XKR9: variants seen among roughly 807,000 people sequenced by gnomAD.
The protein encoded by XKR9 is XK-related protein 9.
Under a neutral mutation model 32.0 loss-of-function variants are expected in XKR9, and 32 were observed. That is an observed-to-expected ratio of 1.00 (90% CI 0.76 to 1.34). The LOEUF (loss-of-function observed/expected upper bound fraction) is 1.34, where lower values mean the gene tolerates loss of function less well. Ranked by LOEUF, XKR9 falls within the 40% of genes most tolerant of loss-of-function variation. The pLI, the probability that XKR9 is intolerant of heterozygous loss-of-function variation, is 0.00. For synonymous variants in XKR9, 168 were observed against 143.4 expected (o/e 1.17, Z -1.22); for missense variants, 546 against 429.7 (o/e 1.27, Z -2.39).
At chr8:70,700,844 T>A (rs6985299) in intron 3 of XKR9, among the ~76,000 whole-genome samples, 5 of 151,726 alleles carry the variant, frequency 3.3e-5, no homozygotes, top group Non-Finnish European at 5.9e-5. Flanking sequence ...CCACGCAGTT[T>A]GAGCTTCCCA....
chr8:70,873,552 G>A, the XKR9 span, among the ~76,000 whole-genome samples: 1 of 152,192 alleles, frequency 6.6e-6, no homozygotes, highest in Non-Finnish European at 1.5e-5. Flanking sequence ...ATAACTGTAG[G>A]TGTGGTGTAA....
At chr8:70,968,723 C>T in the XKR9 span, among the ~76,000 whole-genome samples, 2 of 152,030 alleles carry the variant, frequency 1.3e-5, no homozygotes, top group African/African-American at 4.8e-5. Flanking sequence ...TGCTGGGGGT[C>T]CACTCCAGAC....
the XKR9 span, among the ~76,000 whole-genome samples, chr8:70,861,595 G>T: frequency 6.6e-6 from 1 of 152,104 alleles, no homozygotes; most frequent in Non-Finnish European, 1.5e-5. Context: ...GTTCAGGGCT[G>T]CAGTGAGCTA....
the XKR9 span, among the ~76,000 whole-genome samples, chr8:70,882,652 A>G: frequency 1.1e-4 from 16 of 152,000 alleles, no homozygotes; most frequent in African/African-American, 3.9e-4. Context: ...AAGGTACAGA[A>G]TTTCATATCT....
downstream of XKR9, among the ~76,000 whole-genome samples, chr8:70,740,355 A>T (rs1269106824): frequency 2.6e-5 from 4 of 151,926 alleles, no homozygotes; most frequent in African/African-American, 7.2e-5. Flanking sequence ...TGGTTATTCT[A>T]GTTATACATT....
chr8:70,762,448 C>G (rs1443104617), intron 2 of XKR9, among the ~76,000 whole-genome samples: 2 of 152,092 alleles, frequency 1.3e-5, no homozygotes, highest in African/African-American at 4.8e-5. Flanking sequence ...GTCCCATAAG[C>G]CACAGCATTA....
At chr8:70,845,495 G>C in the XKR9 span, among the ~76,000 whole-genome samples, 2 of 152,098 alleles carry the variant, frequency 1.3e-5, no homozygotes, top group Admixed American at 6.6e-5. Flanking sequence ...TCTTAAGAAA[G>C]CTCAGTGAGA....
intron 4 of XKR9, among the ~76,000 whole-genome samples, chr8:70,708,084 C>T (rs1296168421): frequency 6.6e-6 from 1 of 151,848 alleles, no homozygotes; most frequent in Admixed American, 6.6e-5. Context: ...GAACATGGTC[C>T]CTTCTAATAT....
chr8:70,914,734 A>G, the XKR9 span, among the ~76,000 whole-genome samples: 3 of 152,152 alleles, frequency 2.0e-5, no homozygotes, highest in African/African-American at 7.2e-5. Flanking sequence ...AATTAAGCCC[A>G]ATTTATAAAT....
intron 4 of XKR9, 94 bp downstream of exon 4, chr8:70,707,247 C>T (rs1805754963): frequency 1.1e-6 from 1 of 887,138 alleles, no homozygotes; most frequent in Non-Finnish European, 1.7e-6. Flanking sequence ...ATTTTTAATA[C>T]TTTAAAAATT....
At chr8:70,959,388 T>G in the XKR9 span, among the ~76,000 whole-genome samples, 1 of 152,234 alleles carries the variant, frequency 6.6e-6, no homozygotes, top group East Asian at 1.9e-4. Flanking sequence ...ATAGATCTAA[T>G]TAATTCTCTT....
the XKR9 span, among the ~76,000 whole-genome samples, chr8:71,003,669 A>G: frequency 6.6e-6 from 1 of 152,314 alleles, no homozygotes; most frequent in Admixed American, 6.5e-5. Flanking sequence ...CACTTGATAA[A>G]TATTGGTTAA....
At chr8:70,906,925 T>C in the XKR9 span, among the ~76,000 whole-genome samples, 11 of 152,154 alleles carry the variant, frequency 7.2e-5, no homozygotes, top group African/African-American at 2.7e-4. Flanking sequence ...GGCACACAGG[T>C]CTATGAGTTT....
At chr8:70,808,745 G>C in the XKR9 span, among the ~76,000 whole-genome samples, 3 of 152,238 alleles carry the variant, frequency 2.0e-5, no homozygotes, top group African/African-American at 7.2e-5. Flanking sequence ...AGCGAGGCTG[G>C]GGAGGGGCGC....
At chr8:70,846,892 G>A in the XKR9 span, among the ~76,000 whole-genome samples, 1 of 151,790 alleles carries the variant, frequency 6.6e-6, no homozygotes, top group South Asian at 2.1e-4. Flanking sequence ...TAGTTATTGG[G>A]GACTGCAACA....
chr8:70,902,584 T>C, the XKR9 span, among the ~76,000 whole-genome samples: 6 of 152,276 alleles, frequency 3.9e-5, no homozygotes, highest in African/African-American at 1.4e-4. Context: ...AAATATACAA[T>C]CATGTCATTT....
downstream of XKR9, among the ~76,000 whole-genome samples, chr8:70,736,275 A>C (rs574931322): frequency 9.2e-5 from 14 of 152,080 alleles, no homozygotes; most frequent in Non-Finnish European, 1.9e-4. Context: ...TCTTTTGAGA[A>C]GTGTCTGTTC....
chr8:70,796,996 T>C, the XKR9 span, among the ~76,000 whole-genome samples: 1 of 152,154 alleles, frequency 6.6e-6, no homozygotes, highest in African/African-American at 2.4e-5. Context: ...GGAGACAGGA[T>C]CCTGTGACCC....
chr8:70,856,770 C>T, the XKR9 span, among the ~76,000 whole-genome samples: 7 of 151,836 alleles, frequency 4.6e-5, no homozygotes, highest in Non-Finnish European at 1.0e-4. Context: ...TATAACAAAC[C>T]ATCTCTCAGA....
Sources: gnomAD v4.1 joint callset for allele counts (sites outside exome capture counted in the v4.1 genomes callset) on GRCh38, gnomAD v4.1.1 for gene constraint, MANE v1.5 for transcripts, NCBI Gene and HGNC (gene_info 2026-07-23, HGNC 2026-07-21) for gene names.